Variants in ERGIC3 observed in about 807,000 individuals in gnomAD.
ERGIC3 encodes ERGIC and golgi 3, also known as endoplasmic reticulum-Golgi intermediate compartment protein 3.
Under a neutral mutation model 54.7 loss-of-function variants are expected in ERGIC3, and 33 were observed. That is an observed-to-expected ratio of 0.60 (90% confidence interval 0.46 to 0.81). The LOEUF is 0.81. ERGIC3 is among the 30% of genes least tolerant of loss of function. ERGIC3 has a pLI of 0.00. For synonymous variants in ERGIC3, 186 were observed against 189.8 expected, an observed-to-expected ratio of 0.98 and a Z score of 0.16; for missense variants, 399 against 488.4, an observed-to-expected ratio of 0.82 and a Z score of 1.73.
chr20:35,550,044 A>G (rs530315700), intron 7 of ERGIC3, among the ~76,000 whole-genome samples: 3 of 152,238 alleles, frequency 2.0e-5, no homozygotes, highest in Non-Finnish European at 4.4e-5. Context: ...CATATGGACC[A>G]AAACAAGGCA....
chr20:35,556,952 C>T (rs761050745), intron 10 of ERGIC3, 21 bp from the exon 11 acceptor site: 88 of 1,613,786 alleles, frequency 5.5e-5, no homozygotes, highest in Non-Finnish European at 7.1e-5. Context: ...AGCCCTGGCC[C>T]AGGCTCCCCT....
chr20:35,543,739 T>G, intron 4 of ERGIC3: 1 of 470,278 alleles, frequency 2.1e-6, no homozygotes, highest in South Asian at 1.5e-5. Context: ...AAGTCATGGT[T>G]GTTGATTCCA....
chr20:35,542,942 G>A lies in ERGIC3; in HGVS notation c.367+1G>A. ...GTGAGCTCAGAGGCTGAGCGGCATG[G>A]TAACCAGGGGAGGGGGCCGGGTCTC... On this transcript the variant is annotated splice_donor_variant, in intron 4 of 12. Coordinates refer to ENST00000348547, the MANE Select transcript of ERGIC3 (RefSeq NM_015966.3). LOFTEE classifies it high-confidence loss of function. The A allele has an allele frequency of 6.2e-7, 1 of 1,613,912 alleles. No individual in the cohort carries two copies. The highest frequency in any genetic ancestry group is 8.5e-7 in the Non-Finnish European group (1 of 1,179,944).
At chr20:35,553,663 G>A (rs779139763) in intron 7 of ERGIC3, among the ~76,000 whole-genome samples, 1 of 152,060 alleles carries the variant, frequency 6.6e-6, no homozygotes, top group Non-Finnish European at 1.5e-5. Flanking sequence ...CTGTGTTGGG[G>A]AGGGGCCAGT....
At chr20:35,547,119 G>A (rs1050578399) in intron 4 of ERGIC3, 2 of 271,912 alleles carry the variant, frequency 7.4e-6, no homozygotes, top group East Asian at 1.7e-4. Context: ...GATAATTACC[G>A]CCACCCTCAA....
intron 7 of ERGIC3, 83 bp downstream of exon 7, chr20:35,548,948 T>C (rs2064667028): frequency 3.3e-6 from 5 of 1,527,146 alleles, no homozygotes; most frequent in Non-Finnish European, 4.5e-6. Context: ...TGCCTGCTGC[T>C]CATTTGTCTT....
rs775066956 is a variant in ERGIC3, at chr20:35,548,493, A to T, written c.462-16A>T. On this transcript the variant is annotated splice_polypyrimidine_tract_variant and intron_variant, in intron 5 of 12. Coordinates refer to ENST00000348547, the MANE Select transcript of ERGIC3 (RefSeq NM_015966.3). ...ATGCCTCTTTAACACTCTCACCGTCACTCCCTGCCCTACAGGTGCTGTAAC... is the reference window on the plus strand; with the variant it reads ...ATGCCTCTTTAACACTCTCACCGTCTCTCCCTGCCCTACAGGTGCTGTAAC... 6.2e-7 allele frequency: 1 copy of T among 1,612,938 alleles called. No homozygotes were observed. The highest frequency in any genetic ancestry group is 1.3e-5 in the African/African-American group (1 of 74,810).
rs774660744 is a variant in ERGIC3, at chr20:35,557,414, C to T, written c.1073-11C>T. On this transcript the variant is annotated splice_polypyrimidine_tract_variant and intron_variant, in intron 12 of 12. Transcript: ENST00000348547. ...CCACTGGGCCAGTGCCAGCCCTTGT[C>T]TCTCTCCCAGTGGCTGGACTCATCG... The T allele has an allele frequency of 1.9e-6, 3 of 1,613,896 alleles. No homozygotes were observed. The Admixed American group carries it at 5.0e-5, about 27-fold the overall frequency.
At chr20:35,544,324 G>C (rs1232176630) in intron 4 of ERGIC3, 4 of 221,648 alleles carry the variant, frequency 1.8e-5, no homozygotes, top group Non-Finnish European at 3.6e-5. Context: ...AAAGTGCTGG[G>C]ATTACAGGCA....
chr20:35,544,793 C>T (rs1601360193), intron 4 of ERGIC3: 2 of 121,272 alleles, frequency 1.6e-5, no homozygotes, highest in East Asian at 2.4e-4. Flanking sequence ...GCTGGTGCCA[C>T]GCGGGGATCT....
At chr20:35,555,956 C>A (rs2064708871) in intron 8 of ERGIC3, 77 bp from the exon 9 acceptor site, 1 of 1,393,808 alleles carries the variant, frequency 7.2e-7, no homozygotes, top group Non-Finnish European at 1.0e-6. Flanking sequence ...TCCCACATCT[C>A]CGCAGACGGA....
chr20:35,547,552 G>C (rs755233679), intron 5 of ERGIC3, 47 bp downstream of exon 5: 1 of 1,562,796 alleles, frequency 6.4e-7, no homozygotes, highest in Admixed American at 1.7e-5. Context: ...GGCGCCATCT[G>C]TCAGTCAGCC....
At chr20:35,556,499 G>A (rs2064713669) in intron 10 of ERGIC3, 5 of 569,758 alleles carry the variant, frequency 8.8e-6, no homozygotes, top group Non-Finnish European at 1.6e-5. Flanking sequence ...GCTTCTATCC[G>A]TTCCTCCGGT....
chr20:35,546,887 A>T (rs1228575970), intron 4 of ERGIC3, among the ~76,000 whole-genome samples: 2 of 152,232 alleles, frequency 1.3e-5, no homozygotes, highest in East Asian at 3.8e-4. Flanking sequence ...TCAAAAGATT[A>T]TCATGAGTCG....
intron 7 of ERGIC3, among the ~76,000 whole-genome samples, chr20:35,550,635 A>G (rs564844688): frequency 1.5e-4 from 23 of 152,148 alleles, no homozygotes; most frequent in Admixed American, 3.3e-4. Context: ...TAATAAATAA[A>G]GAGAGGTCAC....
intron 7 of ERGIC3, 182 bp downstream of exon 7, chr20:35,549,047 T>A (rs1879243919): frequency 1.4e-6 from 1 of 710,328 alleles, no homozygotes; most frequent in Admixed American, 2.1e-5. Flanking sequence ...CCAGACTGCC[T>A]GCATTCAGAT....
chr20:35,547,181 G>T (rs1412332256), intron 4 of ERGIC3: 1 of 490,230 alleles, frequency 2.0e-6, no homozygotes, highest in African/African-American at 1.9e-5. Flanking sequence ...ACAGTGATCT[G>T]TACACAGCTA....
chr20:35,543,557 C>T (rs770480783), intron 4 of ERGIC3: 16 of 468,226 alleles, frequency 3.4e-5, no homozygotes, highest in East Asian at 7.0e-5. Flanking sequence ...CAATTCCCTT[C>T]GTTAACTCAG....
At chr20:35,552,252 G>A (rs1010065833) in intron 7 of ERGIC3, among the ~76,000 whole-genome samples, 1 of 152,168 alleles carries the variant, frequency 6.6e-6, no homozygotes, top group Non-Finnish European at 1.5e-5. Flanking sequence ...GTCCTCAGTT[G>A]AGAATGAGGA....
Sources: gnomAD v4.1 joint callset for allele counts (sites outside exome capture counted in the v4.1 genomes callset) on GRCh38, gnomAD v4.1.1 for gene constraint, MANE v1.5 for transcripts, NCBI Gene and HGNC (gene_info 2026-07-23, HGNC 2026-07-21) for gene names.